The following BABAM2 variants were observed in gnomAD, a reference collection of about 807,000 sequenced individuals.
BABAM2 encodes the protein BRISC and BRCA1 A complex member 2.
In BABAM2, 31 loss-of-function variants were observed where a neutral mutation model predicts 54.7. The ratio of observed to expected loss-of-function variants is 0.57; its 90% CI spans 0.43 to 0.77. BABAM2 has a LOEUF of 0.77. BABAM2 is among the 30% of genes least tolerant of loss of function. The probability of loss-of-function intolerance (pLI) is 0.00; values close to 1 mark genes in which losing one functional copy is unlikely to be tolerated. For synonymous variants in BABAM2, 167 were observed against 162.9 expected, an observed-to-expected ratio of 1.03 and a Z score of -0.19; for missense variants, 364 against 455.8, an observed-to-expected ratio of 0.80 and a Z score of 1.83.
intron 2 of BABAM2, 46 bp downstream of exon 2, chr2:27,894,730 C>T: frequency 6.2e-7 from 1 of 1,607,372 alleles, no homozygotes; most frequent in Non-Finnish European, 8.5e-7. Flanking sequence ...ACCAATTCAA[C>T]CTTTACCTAA....
Position 27,988,074 on chromosome 2 carries a change from C to T in BABAM2, c.287C>T (p.Pro96Leu). ...GAAGATGCTGAATTCCTGCCAGACC[C>T]CTCAGCTTTGCAGGTGAGTACTGCA... Reference protein sequence around the residue: ...FGEDAEFLPDPSALQNLASWN... With the variant: ...FGEDAEFLPDLSALQNLASWN... Residue 96 changes from proline to leucine, a missense_variant, in exon 4 of 12, where the codon CCC (proline) becomes CTC (leucine). Transcript: ENST00000379624. 1 of 1,613,328 alleles carries T rather than the reference C, an allele frequency of 6.2e-7. No individual in the cohort carries two copies. Among genetic ancestry groups the T allele is most frequent in the South Asian group, 1.1e-5 (1 of 91,064 alleles).
intron 6 of BABAM2, among the ~76,000 whole-genome samples, chr2:28,059,803 A>G (rs532798564): frequency 5.3e-5 from 8 of 152,272 alleles, no homozygotes; most frequent in African/African-American, 1.7e-4. Flanking sequence ...ATTTTCTCGG[A>G]TTTTACCAAA....
rs1667444528 is a variant in BABAM2 at position 27,923,000 on chromosome 2, G to A, written c.129-6832G>A. Among the ~76,000 whole-genome samples the A allele has an allele frequency of 4.6e-5, 7 of 152,140 alleles. No homozygotes were observed. In the South Asian group the frequency reaches 1.5e-3, roughly 32 times the overall value. On this transcript the variant is annotated intron_variant, in intron 2 of 11. Transcript: ENST00000379624. ...TAAGGAAATGGCTTTCTAGATGAGT[G>A]AATTTCCCTGCTTTATTAGTTATCT...
At chr2:27,986,283 A>G (rs1672393025) in intron 3 of BABAM2, among the ~76,000 whole-genome samples, 1 of 152,128 alleles carries the variant, frequency 6.6e-6, no homozygotes, top group South Asian at 2.1e-4. Context: ...GGCAGCTAGT[A>G]TTAGGAGATC....
chr2:28,319,611 C>T (rs1264839287), intron 11 of BABAM2, among the ~76,000 whole-genome samples: 1 of 152,220 alleles, frequency 6.6e-6, no homozygotes, highest in Non-Finnish European at 1.5e-5. Context: ...CCTCTTCATC[C>T]CTGTCTCCTT....
chr2:28,192,585 G>A (rs1203729395), intron 7 of BABAM2, among the ~76,000 whole-genome samples: 3 of 142,970 alleles, frequency 2.1e-5, no homozygotes, highest in Non-Finnish European at 4.5e-5. Context: ...GCAATGGCGT[G>A]ATCTTGGCTC....
chr2:28,019,021 C>A (rs1208341067), intron 4 of BABAM2, among the ~76,000 whole-genome samples: 1 of 152,018 alleles, frequency 6.6e-6, no homozygotes, highest in Non-Finnish European at 1.5e-5. Context: ...CCTTGACAGG[C>A]CCCAGTGTGT....
chr2:27,899,440 T>C (rs1665601480), intron 2 of BABAM2, among the ~76,000 whole-genome samples: 2 of 151,950 alleles, frequency 1.3e-5, no homozygotes, highest in African/African-American at 4.8e-5. Context: ...TAGTGGGATC[T>C]GATGACAAAT....
chr2:28,079,796 T>C (rs1224700106), intron 6 of BABAM2, among the ~76,000 whole-genome samples: 4 of 152,152 alleles, frequency 2.6e-5, no homozygotes, highest in Admixed American at 2.6e-4. Flanking sequence ...TGAGACAGTG[T>C]CATAGACATT....
chr2:28,247,580 C>T lies in BABAM2; in HGVS notation c.934+2718C>T, dbSNP rs13431572. On this transcript the variant is annotated intron_variant, in intron 10 of 11. Coordinates refer to ENST00000379624, the MANE Select transcript of BABAM2 (RefSeq NM_199191.3). ...ATTGCAGTGAATTATTCTGAGATCT[C>T]AAGAGGTGAAAAGGAGGAAGGAAGT... is the stretch of plus-strand genomic sequence containing the variant. Among the ~76,000 whole-genome samples the T allele has an allele frequency of 3.5e-3, 531 of 152,150 alleles. 4 individuals are homozygous for T. Among genetic ancestry groups the T allele is most frequent in the African/African-American group, 0.012 (516 of 41,494 alleles).
intron 7 of BABAM2, among the ~76,000 whole-genome samples, chr2:28,236,123 T>A (rs1318433657): frequency 6.6e-5 from 10 of 152,266 alleles, no homozygotes; most frequent in East Asian, 1.9e-4. Flanking sequence ...TAGGGATTTT[T>A]AAAAATATCC....
At chr2:27,941,336 G>A (rs563871821) in intron 3 of BABAM2, among the ~76,000 whole-genome samples, 4 of 152,168 alleles carry the variant, frequency 2.6e-5, no homozygotes, top group South Asian at 2.1e-4. Flanking sequence ...AGGTCGAGGC[G>A]GGCAGATCAC....
intron 7 of BABAM2, among the ~76,000 whole-genome samples, chr2:28,144,603 G>T (rs564608141): frequency 6.6e-6 from 1 of 152,098 alleles, no homozygotes; most frequent in African/African-American, 2.4e-5. Context: ...CTGAATTAAG[G>T]CTCCTTCTCT....
chr2:27,944,118 C>T (rs1051679560), intron 3 of BABAM2, among the ~76,000 whole-genome samples: 9 of 152,046 alleles, frequency 5.9e-5, no homozygotes, highest in Admixed American at 3.3e-4. Context: ...ACTAAATTAA[C>T]TTATTGGGCA....
Position 28,049,328 on chromosome 2 carries a change from G to A in BABAM2, c.570+3529G>A, listed in dbSNP as rs75122483. ...GATACTGGATATGGCAAATATAACC[G>A]TGCAAAGAAAATCAACATTAACTTT... On this transcript the variant is annotated intron_variant, in intron 6 of 11. Coordinates refer to ENST00000379624, the MANE Select transcript of BABAM2 (RefSeq NM_199191.3). 5.9e-3 allele frequency among the ~76,000 whole-genome samples: 892 copies of A among 152,274 alleles called. 5 individuals are homozygous for A. Among genetic ancestry groups the A allele is most frequent in the Admixed American group, 9.9e-3 (151 of 15,278 alleles).
chr2:28,187,280 T>C (rs1199568075), intron 7 of BABAM2, among the ~76,000 whole-genome samples: 2 of 152,096 alleles, frequency 1.3e-5, no homozygotes, highest in Non-Finnish European at 2.9e-5. Context: ...TAGAGACCCA[T>C]AGAGAAGGGC....
intron 10 of BABAM2, among the ~76,000 whole-genome samples, chr2:28,250,123 ATGCTTC>A (rs1045108747): frequency 1.3e-5 from 2 of 152,048 alleles, no homozygotes; most frequent in Non-Finnish European, 2.9e-5. Flanking sequence ...GGTCTTCCCT[ATGCTTC>A]TATAGGGAAG....
At chr2:28,280,543 A>G (rs994313031) in intron 10 of BABAM2, among the ~76,000 whole-genome samples, 1 of 152,172 alleles carries the variant, frequency 6.6e-6, no homozygotes, top group Non-Finnish European at 1.5e-5. Context: ...TAAACCAAAT[A>G]CATACACACA....
intron 7 of BABAM2, among the ~76,000 whole-genome samples, chr2:28,193,984 G>C (rs1315973305): frequency 6.6e-6 from 1 of 152,184 alleles, no homozygotes; most frequent in Admixed American, 6.5e-5. Context: ...TGAGGGGCTC[G>C]AGAGCACCTG....
Sources: allele counts gnomAD v4.1 joint callset (sites outside exome capture counted in the v4.1 genomes callset), GRCh38; gene constraint gnomAD v4.1.1; transcripts MANE v1.5; gene names NCBI Gene and HGNC (gene_info 2026-07-23, HGNC 2026-07-21).